The following PDE4B variants were observed in gnomAD, a reference collection of about 807,000 sequenced individuals.
The protein encoded by PDE4B is phosphodiesterase 4B.
PDE4B carries 20 observed loss-of-function variants against 82.2 expected under a neutral mutation model. The ratio of observed to expected loss-of-function variants is 0.24; its 90% CI spans 0.17 to 0.35. PDE4B has a LOEUF of 0.35. Ranked by LOEUF, PDE4B falls within the 10% of genes least tolerant of loss-of-function variation. PDE4B has a pLI of 1.00. For synonymous variants in PDE4B, 320 were observed against 318.9 expected (o/e 1.00, Z -0.04); for missense variants, 655 against 907.2 (o/e 0.72, Z 3.57).
intron 3 of PDE4B, among the ~76,000 whole-genome samples, chr1:65,948,159 C>T (rs992169932): frequency 1.1e-4 from 17 of 151,618 alleles, no homozygotes; most frequent in Non-Finnish European, 2.4e-4. Flanking sequence ...CTAAGTATGC[C>T]CATCCCAATT....
At position 66,280,617 on chromosome 1, in the gene PDE4B, C is replaced by T. The variant is rs116482715; in HGVS notation, c.634+14530C>T. Among the ~76,000 whole-genome samples the T allele has an allele frequency of 9.7e-3, 1,483 of 152,238 alleles. 17 individuals are homozygous for T. Among genetic ancestry groups the T allele is most frequent in the African/African-American group, 0.034 (1,423 of 41,526 alleles). ...CCAATTTGCCAGGTTATCCTTGAGA[C>T]GCCCTTCCTTCTCACACCTGGATAT... On this transcript the variant is annotated intron_variant, in intron 7 of 16. Transcript: ENST00000341517.
chr1:66,012,695 T>C (rs181815971), intron 3 of PDE4B, among the ~76,000 whole-genome samples: 80 of 152,246 alleles, frequency 5.3e-4, no homozygotes, highest in African/African-American at 1.9e-3. Context: ...TTTCAAGGAC[T>C]TGAACATTTT....
intron 3 of PDE4B, among the ~76,000 whole-genome samples, chr1:66,060,221 T>C (rs1655512674): frequency 6.6e-6 from 1 of 152,190 alleles, no homozygotes; most frequent in South Asian, 2.1e-4. Flanking sequence ...TTTGTAGGGC[T>C]AGTGAACACA....
chr1:65,971,422 A>G (rs1650132076), intron 3 of PDE4B, among the ~76,000 whole-genome samples: 1 of 152,172 alleles, frequency 6.6e-6, no homozygotes, highest in African/African-American at 2.4e-5. Context: ...TCTGCTATGA[A>G]CATCTATGTG....
intron 3 of PDE4B, among the ~76,000 whole-genome samples, chr1:66,130,091 TC>T (rs933312712): frequency 3.3e-5 from 5 of 152,220 alleles, no homozygotes; most frequent in African/African-American, 1.2e-4. Context: ...ATCTAACTCA[TC>T]CCACATGGCT....
At chr1:66,067,936 G>A (rs1480333384) in intron 3 of PDE4B, among the ~76,000 whole-genome samples, 1 of 140,692 alleles carries the variant, frequency 7.1e-6, no homozygotes, top group African/African-American at 2.6e-5. Context: ...ACACACCAGG[G>A]ACTGTTGTGG....
At chr1:65,971,679 A>G (rs979915411) in intron 3 of PDE4B, among the ~76,000 whole-genome samples, 86 of 152,208 alleles carry the variant, frequency 5.7e-4, no homozygotes, top group African/African-American at 1.8e-3. Context: ...GAAGTAGAAT[A>G]TGATAGTCCC....
At chr1:65,996,780 C>T (rs1651565213) in intron 3 of PDE4B, among the ~76,000 whole-genome samples, 2 of 152,074 alleles carry the variant, frequency 1.3e-5, no homozygotes, top group African/African-American at 4.8e-5. Flanking sequence ...ATACCATACT[C>T]TTTGTTAGAC....
intron 3 of PDE4B, among the ~76,000 whole-genome samples, chr1:66,236,475 G>T (rs1652466642): frequency 6.6e-6 from 1 of 151,984 alleles, no homozygotes; most frequent in Non-Finnish European, 1.5e-5. Flanking sequence ...TTTCCATCTG[G>T]TATCATTTTC....
At chr1:66,223,575 A>T (rs915510332) in intron 3 of PDE4B, among the ~76,000 whole-genome samples, 1 of 151,920 alleles carries the variant, frequency 6.6e-6, no homozygotes, top group Non-Finnish European at 1.5e-5. Context: ...AATCATGGAG[A>T]TTTCCTCCAT....
chr1:66,143,011 T>C (rs559755360), intron 3 of PDE4B, among the ~76,000 whole-genome samples: 1 of 152,316 alleles, frequency 6.6e-6, no homozygotes, highest in African/African-American at 2.4e-5. Context: ...GTAACAGGCA[T>C]TTATAAAAGG....
chr1:66,206,942 C>T (rs1165722549), intron 3 of PDE4B, among the ~76,000 whole-genome samples: 1 of 152,192 alleles, frequency 6.6e-6, no homozygotes, highest in Non-Finnish European at 1.5e-5. Context: ...GGACTGATTA[C>T]TTCTGCTGCC....
intron 1 of PDE4B, among the ~76,000 whole-genome samples, chr1:65,837,755 G>A (rs908010479): frequency 1.3e-5 from 2 of 152,216 alleles, no homozygotes; most frequent in South Asian, 2.1e-4. Context: ...TTTATTTTAA[G>A]TTCAAGGGTA....
chr1:66,123,737 G>A (rs937353991), intron 3 of PDE4B, among the ~76,000 whole-genome samples: 1 of 152,138 alleles, frequency 6.6e-6, no homozygotes, highest in Non-Finnish European at 1.5e-5. Flanking sequence ...TAAATTGTGA[G>A]TGCCTTTAGG....
rs139273688 is a variant in PDE4B, at chr1:65,994,659, A to G, written c.281+75824A>G. 2.1e-3 allele frequency among the ~76,000 whole-genome samples: 320 copies of G among 152,270 alleles called. 3 individuals are homozygous for G. The highest frequency in any genetic ancestry group is 7.1e-3 in the African/African-American group (297 of 41,588). ...GGAAGATATTAGTTATGAAAATAATATATACAGAAAATACACAATTAATAG... is the reference window on the plus strand; with the variant it reads ...GGAAGATATTAGTTATGAAAATAATGTATACAGAAAATACACAATTAATAG... On this transcript the variant is annotated intron_variant, in intron 3 of 16. Transcript: ENST00000341517.
chr1:66,266,829 A>T (rs963371239), intron 7 of PDE4B: 2 of 403,344 alleles, frequency 5.0e-6, no homozygotes, highest in Non-Finnish European at 1.0e-5. Context: ...GTTTTCTCCT[A>T]AATCTGTTCC....
chr1:65,816,190 A>AGTGTGTGTGTGTGTGTGTGT (rs139330007), intron 1 of PDE4B, among the ~76,000 whole-genome samples: 4 of 132,886 alleles, frequency 3.0e-5, no homozygotes, highest in Admixed American at 7.5e-5. Context: ...TTATTAATGC[A>AGTGTGTGTGTGTGTGTGTGT]GTGTGTGTGT....
rs4655819 is a variant in PDE4B at position 66,166,531 on chromosome 1, A to T, written c.282-80929A>T. Among the ~76,000 whole-genome samples the T allele has an allele frequency of 6.7e-3, 1,020 of 151,878 alleles. 12 individuals carry two copies. The highest frequency in any genetic ancestry group is 0.023 in the African/African-American group (964 of 41,424). On this transcript the variant is annotated intron_variant, in intron 3 of 16. Transcript: ENST00000341517. Reference sequence around the variant, plus strand: ...TGGGCAGATCACGAGGTCAGGAGTTAGAGACAAGCCTGACCAACATGGTGA... The same window carrying T: ...TGGGCAGATCACGAGGTCAGGAGTTTGAGACAAGCCTGACCAACATGGTGA...
chr1:65,849,591 C>T (rs1426184023), intron 1 of PDE4B, among the ~76,000 whole-genome samples: 2 of 152,034 alleles, frequency 1.3e-5, no homozygotes, highest in East Asian at 1.9e-4. Context: ...ACTCTATGGG[C>T]CCGGGAGGAA....
Sources: gnomAD v4.1 joint callset for allele counts (sites outside exome capture counted in the v4.1 genomes callset) on GRCh38, gnomAD v4.1.1 for gene constraint, MANE v1.5 for transcripts, NCBI Gene and HGNC (gene_info 2026-07-23, HGNC 2026-07-21) for gene names.